PCDHGA4: variants seen among roughly 807,000 people sequenced by gnomAD.
PCDHGA4 encodes protocadherin gamma-A4.
In PCDHGA4, 38 loss-of-function variants were observed where a neutral mutation model predicts 54.6. The observed-to-expected ratio is 0.70, with a 90% CI of 0.54 to 0.91. The LOEUF is 0.91. PCDHGA4 is among the 40% of genes least tolerant of loss of function. The probability of loss-of-function intolerance (pLI) is 0.00; values close to 1 mark genes in which losing one functional copy is unlikely to be tolerated. For missense variants in PCDHGA4, 1,298 were observed against 1,220.9 expected, an observed-to-expected ratio of 1.06 and a Z score of -0.94; for synonymous variants, 511 against 512.9, an observed-to-expected ratio of 1.00 and a Z score of 0.05.
intron 1 of PCDHGA4, chr5:141,394,094 A>G (rs759909698): frequency 6.2e-7 from 1 of 1,613,934 alleles, no homozygotes; most frequent in Admixed American, 1.7e-5. Context: ...CCTCAGATCT[A>G]GGAACACCAC....
chr5:141,436,735 T>G (rs2097843412), intron 1 of PCDHGA4, among the ~76,000 whole-genome samples: 1 of 152,220 alleles, frequency 6.6e-6, no homozygotes, highest in Non-Finnish European at 1.5e-5. Context: ...AATAATGATT[T>G]TTGTGTGCTT....
At chr5:141,478,574 C>T (rs2099465133) in intron 1 of PCDHGA4, 1 of 1,586,288 alleles carries the variant, frequency 6.3e-7, no homozygotes, top group Non-Finnish European at 8.6e-7. Flanking sequence ...ATGCTTGACC[C>T]TGTTAGTGCT....
chr5:141,375,809 G>A (rs912938777), intron 1 of PCDHGA4: 92 of 1,614,084 alleles, frequency 5.7e-5, no homozygotes, highest in Non-Finnish European at 7.3e-5. Flanking sequence ...CACTGGCGTG[G>A]AGCTGGCGCC....
chr5:141,397,199 T>G (rs1317536621), intron 1 of PCDHGA4, among the ~76,000 whole-genome samples: 1 of 152,156 alleles, frequency 6.6e-6, no homozygotes, highest in African/African-American at 2.4e-5. Context: ...GTAAAAGATA[T>G]GACATAAGAG....
chr5:141,475,248 C>T (rs1400887912), intron 1 of PCDHGA4, among the ~76,000 whole-genome samples: 2 of 152,166 alleles, frequency 1.3e-5, no homozygotes, highest in African/African-American at 4.8e-5. Context: ...AGAGTGTGCT[C>T]TACAACTGAG....
intron 1 of PCDHGA4, chr5:141,426,709 A>G (rs1259104705): frequency 6.8e-6 from 3 of 443,800 alleles, no homozygotes; most frequent in South Asian, 3.1e-5. Flanking sequence ...TTACAAATCA[A>G]TGAACTAGCA....
rs746906389 is a variant in PCDHGA4 at position 141,384,782 on chromosome 5, C to T, written c.2514+27161C>T. The T allele has an allele frequency of 5.0e-6, 8 of 1,613,640 alleles. No individual in the cohort carries two copies. The highest frequency in any genetic ancestry group is 5.9e-6 in the Non-Finnish European group (7 of 1,179,944). On this transcript the variant is annotated intron_variant, in intron 1 of 3. Transcript: ENST00000571252. The stretch of plus-strand genomic sequence containing the variant: ...GGGCTGTACACGGGCGAGGTGCGCA[C>T]GGCTCGGGCCCTGCTGGACAGAGAT...
rs2097456240 is a variant in PCDHGA4, at chr5:141,432,134, G to T, written c.2515-62673G>T. 3 of 1,613,756 alleles carry T rather than the reference G, an allele frequency of 1.9e-6. No individual in the cohort carries two copies. The highest frequency in any genetic ancestry group is 1.3e-5 in the African/African-American group (1 of 74,800). On this transcript the variant is annotated intron_variant, in intron 1 of 3. Coordinates refer to ENST00000571252, the MANE Select transcript of PCDHGA4 (RefSeq NM_018917.4). This position sits in a 1 kb window ranked among gnomAD's most constrained non-coding sequence, Gnocchi z 6.0. The stretch of plus-strand genomic sequence containing the variant: ...GGTCTTCCCTCAGGCCTCCTATTCC[G>T]CTTATATCCCAGAGAACAATCCCAG...
At chr5:141,470,306 T>C (rs2099227644) in intron 1 of PCDHGA4, among the ~76,000 whole-genome samples, 1 of 152,222 alleles carries the variant, frequency 6.6e-6, no homozygotes, top group South Asian at 2.1e-4. Flanking sequence ...TTATTCCATT[T>C]TTCCTCAAAT....
At chr5:141,384,886 G>A in intron 1 of PCDHGA4, 1 of 1,613,822 alleles carries the variant, frequency 6.2e-7, no homozygotes. Context: ...ACTCACCGTG[G>A]CTGTGGCTGA....
In PCDHGA4 at chr5:141,502,866, C is replaced by CT. The variant is rs549047197; in HGVS notation, c.2574-2513dup. ...GAGCTGCCTAACCCTGACTCTCTGT[C>CT]TTTTTTTTTTTTTTGACAGGGAGTC... On this transcript the variant is annotated intron_variant, in intron 2 of 3. Transcript: ENST00000571252. Among the ~76,000 whole-genome samples, 1,216 of 127,988 alleles carry CT rather than the reference C, an allele frequency of 9.5e-3. 34 individuals are homozygous for CT. Among genetic ancestry groups the CT allele is most frequent in the Non-Finnish European group, 0.015 (955 of 62,394 alleles). The allele number at this position is 127,988 out of a possible 152,430, so 84.0% of individuals were successfully genotyped here.
At position 141,511,271 on chromosome 5, in the gene PCDHGA4, C is replaced by T. The variant is rs371445452; in HGVS notation, c.*98C>T. ...GCCTCAGAGTTTCAGGGCTAACCCC[C>T]AGAATACTGGTAGGGGCCAAGGCCA... On this transcript the variant is annotated 3_prime_UTR_variant, in exon 4 of 4. Transcript: ENST00000571252. 9.1e-6 allele frequency: 14 copies of T among 1,544,094 alleles called. No individual in the cohort carries two copies. In the African/African-American group the frequency reaches 1.6e-4, roughly 18 times the overall value.
At chr5:141,413,357 G>C in intron 1 of PCDHGA4, 1 of 1,613,992 alleles carries the variant, frequency 6.2e-7, no homozygotes, top group Non-Finnish European at 8.5e-7. Context: ...CTGGCGCCCC[G>C]GGAGCTGGCG....
intron 1 of PCDHGA4, among the ~76,000 whole-genome samples, chr5:141,397,265 A>G (rs2093498946): frequency 6.6e-6 from 1 of 152,210 alleles, no homozygotes; most frequent in Non-Finnish European, 1.5e-5. Context: ...TTTCTTAGCT[A>G]CATCATATGG....
intron 1 of PCDHGA4, chr5:141,404,905 GC>G (rs762314174): frequency 6.2e-6 from 10 of 1,613,910 alleles, no homozygotes; most frequent in Middle Eastern, 1.7e-4. Context: ...ACCATGGCCA[GC>G]CCCCTCTCTC....
rs188916402 is a variant in PCDHGA4, at chr5:141,473,975, G to A, written c.2515-20832G>A. 4.6e-5 allele frequency among the ~76,000 whole-genome samples: 7 copies of A among 152,222 alleles called. No homozygotes were observed. The East Asian group carries it at 7.7e-4, about 17-fold the overall frequency. ...TCCCATCTACTTAGAAGTCTGAGGCGGGAGGATCCCTTGAGCCCAAGGAGC... is the reference window on the plus strand; with the variant it reads ...TCCCATCTACTTAGAAGTCTGAGGCAGGAGGATCCCTTGAGCCCAAGGAGC... On this transcript the variant is annotated intron_variant, in intron 1 of 3. Transcript: ENST00000571252.
chr5:141,405,370 G>T (rs2094649512), intron 1 of PCDHGA4: 1 of 1,606,236 alleles, frequency 6.2e-7, no homozygotes, highest in Non-Finnish European at 8.5e-7. Context: ...ACACCCCTTT[G>T]GTTCCGGTGA....
At chr5:141,457,554 G>A (rs2098924282) in intron 1 of PCDHGA4, among the ~76,000 whole-genome samples, 1 of 152,166 alleles carries the variant, frequency 6.6e-6, no homozygotes, top group Admixed American at 6.5e-5. Flanking sequence ...TGTATGATAA[G>A]CTTTGGAGCA....
chr5:141,430,766 C>T, intron 1 of PCDHGA4: 1 of 1,504,534 alleles, frequency 6.6e-7, no homozygotes, highest in Non-Finnish European at 8.9e-7. Context: ...AAGAATGATT[C>T]CTGCGCGACT....
Sources: gnomAD v4.1 joint callset for allele counts (sites outside exome capture counted in the v4.1 genomes callset) on GRCh38, gnomAD v4.1.1 for gene constraint, Gnocchi (gnomAD v3.1) non-coding constraint, MANE v1.5 for transcripts, NCBI Gene and HGNC (gene_info 2026-07-23, HGNC 2026-07-21) for gene names.